COL5A1: variants seen among roughly 807,000 people sequenced by gnomAD.
COL5A1 encodes collagen alpha-1(V) chain.
In COL5A1, 16 loss-of-function variants were observed where a neutral mutation model predicts 263.7. That is an observed-to-expected ratio of 0.06 (90% confidence interval 0.04 to 0.09). The LOEUF (loss-of-function observed/expected upper bound fraction) is 0.09, where lower values mean the gene tolerates loss of function less well. Ranked by LOEUF, COL5A1 falls within the 10% of genes least tolerant of loss-of-function variation. The pLI is 1.00. For missense variants in COL5A1, 2,036 were observed against 2,540.5 expected (o/e 0.80, Z 4.27); for synonymous variants, 1,012 against 1,004.5 (o/e 1.01, Z -0.14).
chr9:134,667,693 G>T (rs1832402221), intron 1 of COL5A1, among the ~76,000 whole-genome samples: 1 of 152,198 alleles, frequency 6.6e-6, no homozygotes, highest in Admixed American at 6.5e-5. Flanking sequence ...CACCTCCCAG[G>T]AAGCCAGCCC....
chr9:134,810,248 C>G lies in COL5A1; in HGVS notation c.3475-7C>G. ...TTTCTAACCGAATCCCCCACACCTT[C>G]CCCTAGGGAGAGATCGGGGAGCCGG... On this transcript the variant is annotated splice_region_variant and splice_polypyrimidine_tract_variant and intron_variant, in intron 43 of 65. Coordinates refer to ENST00000371817, the MANE Select transcript of COL5A1 (RefSeq NM_000093.5). 1 of 1,614,114 alleles carries G rather than the reference C, an allele frequency of 6.2e-7. No homozygotes were observed. Among genetic ancestry groups the G allele is most frequent in the Non-Finnish European group, 8.5e-7 (1 of 1,179,942 alleles).
At chr9:134,715,804 T>A (rs1437657088) in intron 4 of COL5A1, among the ~76,000 whole-genome samples, 1 of 152,206 alleles carries the variant, frequency 6.6e-6, no homozygotes, top group Non-Finnish European at 1.5e-5. Context: ...TCAGAAGAAT[T>A]TTTCTTAGTA....
At chr9:134,692,407 C>T (rs937673425) in intron 2 of COL5A1, among the ~76,000 whole-genome samples, 3 of 152,176 alleles carry the variant, frequency 2.0e-5, no homozygotes, top group African/African-American at 7.2e-5. Flanking sequence ...GGGAGAGCAT[C>T]TCTTTTGGAA....
rs1833089682 is a variant in COL5A1, at chr9:134,686,650, C to T, written c.110-4262C>T. 6.6e-6 allele frequency among the ~76,000 whole-genome samples: 1 copy of T among 152,142 alleles called. No homozygotes were observed. ...GGGACCTGATGCCTGGTTATATCCT[C>T]ATGAAAATGGGCCTCTGGGATGCCA... is the stretch of plus-strand genomic sequence containing the variant. On this transcript the variant is annotated intron_variant, in intron 1 of 65. Transcript: ENST00000371817. This position sits in a 1 kb window ranked among gnomAD's most constrained non-coding sequence, Gnocchi z 4.6.
intron 18 of COL5A1, among the ~76,000 whole-genome samples, chr9:134,761,445 A>G (rs907288111): frequency 6.6e-6 from 1 of 152,182 alleles, no homozygotes; most frequent in Non-Finnish European, 1.5e-5. Context: ...CAACAACCAC[A>G]TGGAAACAGC....
chr9:134,716,697 C>A lies in COL5A1; in HGVS notation c.655-10569C>A, dbSNP rs1042825796. On this transcript the variant is annotated intron_variant, in intron 4 of 65. Coordinates refer to ENST00000371817, the MANE Select transcript of COL5A1 (RefSeq NM_000093.5). This position sits in a 1 kb window ranked among gnomAD's most constrained non-coding sequence, Gnocchi z 4.5. ...AGTTTGCTGAGCTGACCCTTCAGTCCCTGTGGCCAGCTTCAGGGTGTGCAT... is the reference window on the plus strand; with the variant it reads ...AGTTTGCTGAGCTGACCCTTCAGTCACTGTGGCCAGCTTCAGGGTGTGCAT... Among the ~76,000 whole-genome samples the A allele has an allele frequency of 5.3e-5, 8 of 152,170 alleles. No individual in the cohort carries two copies. The highest frequency in any genetic ancestry group is 1.9e-4 in the African/African-American group (8 of 41,436).
intron 29 of COL5A1, among the ~76,000 whole-genome samples, chr9:134,784,162 C>T (rs1002097305): frequency 7.9e-5 from 12 of 152,200 alleles, no homozygotes; most frequent in Admixed American, 5.2e-4. Flanking sequence ...TTTTGTTGAA[C>T]GAGAGGAACA....
intron 32 of COL5A1, among the ~76,000 whole-genome samples, chr9:134,790,569 C>T (rs192318266): frequency 4.3e-4 from 27 of 63,528 alleles, no homozygotes; most frequent in African/African-American, 2.0e-3. Context: ...CACCCACCCA[C>T]CCATCCATCC....
rs372857096 is a variant in COL5A1 at position 134,842,572 on chromosome 9, C to A, written c.*269C>A. ...GCCCCACGCTCTGTCCACACCCACG[C>A]GCCCCGGGAGCGGGGCCATGCCTCC... On this transcript the variant is annotated 3_prime_UTR_variant, in exon 66 of 66. Coordinates refer to ENST00000371817, the MANE Select transcript of COL5A1 (RefSeq NM_000093.5). The surrounding 1 kb of genome is among the most constrained non-coding windows in gnomAD (Gnocchi z 5.8). The A allele has an allele frequency of 5.3e-6, 3 of 561,576 alleles. No individual in the cohort carries two copies. The highest frequency in any genetic ancestry group is 9.6e-6 in the Non-Finnish European group (3 of 312,358). The allele number at this position is 561,576 out of a possible 1,614,324, so 34.8% of individuals were successfully genotyped here. A position where few individuals can be genotyped will look rare whatever the true frequency, so the allele number is the denominator to read the frequency against.
rs1838973196 is a variant in COL5A1 at position 134,821,002 on chromosome 9, C to T, written c.4554+779C>T. On this transcript the variant is annotated intron_variant, in intron 58 of 65. Coordinates refer to ENST00000371817, the MANE Select transcript of COL5A1 (RefSeq NM_000093.5). This position sits in a 1 kb window ranked among gnomAD's most constrained non-coding sequence, Gnocchi z 4.2. ...CCCCTGGAGGCTGGGAGTAAGGTGG[C>T]ACCCTCACTATGGGCCCGGGGAAGG... Among the ~76,000 whole-genome samples, 1 of 152,134 alleles carries T rather than the reference C, an allele frequency of 6.6e-6. No individual in the cohort carries two copies. The highest frequency in any genetic ancestry group is 2.4e-5 in the African/African-American group (1 of 41,426).
rs372499629 is a variant in COL5A1 at position 134,811,501 on chromosome 9, G to A, written c.3592G>A (p.Gly1198Ser). Residue 1198 changes from glycine (G) to serine (S), a missense_variant, in exon 46 of 66, where the codon GGC becomes AGC. By Grantham distance (56) the Gly-to-Ser change is moderately conservative. Around this residue, in one of 3 missense-constraint regions of COL5A1, gnomAD observed 1,078 missense variants for 1,521.4 expected, o/e 0.71. Coordinates refer to ENST00000371817, the MANE Select transcript of COL5A1 (RefSeq NM_000093.5). ...IGQPGPSGADGEPGPRGQQGL... is the reference protein window; with the variant it reads ...IGQPGPSGADSEPGPRGQQGL... The stretch of plus-strand genomic sequence containing the variant: ...GGTTATTTCCCTGCAGGGAGCTGAC[G>A]GCGAGCCGGGGCCTCGGGGCCAGCA... The A allele has an allele frequency of 7.9e-5, 128 of 1,612,572 alleles. No individual in the cohort carries two copies. Among genetic ancestry groups the A allele is most frequent in the Non-Finnish European group, 9.8e-5 (116 of 1,179,306 alleles).
chr9:134,654,436 GAGGTGTGTAGGGCT>G (rs1831840657), intron 1 of COL5A1, among the ~76,000 whole-genome samples: 1 of 115,630 alleles, frequency 8.6e-6, no homozygotes, highest in African/African-American at 3.3e-5. Flanking sequence ...TGTAGGGCTG[GAGGTGTGTAGGGCT>G]GGTGTGTGTA....
intron 49 of COL5A1, 98 bp from the exon 50 acceptor site, chr9:134,814,699 G>T: frequency 1.1e-6 from 1 of 910,248 alleles, no homozygotes. Context: ...ACTTGGAAAG[G>T]CTGGTCTGAA....
Position 134,796,900 on chromosome 9 carries a change from C to T in COL5A1, c.2897C>T (p.Pro966Leu). 6.2e-7 allele frequency: 1 copy of T among 1,613,866 alleles called. No homozygotes were observed. Among genetic ancestry groups the T allele is most frequent in the South Asian group, 1.1e-5 (1 of 91,070 alleles). The change falls in exon 36 of 66, where the codon CCT (proline) becomes CTT (leucine). Residue 966 changes from proline (P) to leucine (L), a missense_variant and splice_region_variant. Physicochemically the swap from Pro to Leu is moderately conservative, Grantham distance 98. Coordinates refer to ENST00000371817, the MANE Select transcript of COL5A1 (RefSeq NM_000093.5). ...PTGFPGPKGP[P>L]GPPGKDGLPG... ...GGATTTCCTGGACCAAAGGGCCCCC[C>T]TGTAAGTAATGGCTTCCTTGCTGGG...
In COL5A1 at chr9:134,678,998, C is replaced by T. The variant is rs953012151; in HGVS notation, c.110-11914C>T. Among the ~76,000 whole-genome samples the T allele has an allele frequency of 1.3e-5, 2 of 152,180 alleles. No homozygotes were observed. The highest frequency in any genetic ancestry group is 4.8e-5 in the African/African-American group (2 of 41,436). ...CTGTGTTGGGGTCACGTGGTATCTG[C>T]CCTCTGTTATCCGAGATGCCTTTCA... On this transcript the variant is annotated intron_variant, in intron 1 of 65. Coordinates refer to ENST00000371817, the MANE Select transcript of COL5A1 (RefSeq NM_000093.5). The surrounding 1 kb of genome is among the most constrained non-coding windows in gnomAD (Gnocchi z 5.5).
Position 134,805,154 on chromosome 9 carries a change from T to G in COL5A1, c.3205-7T>G. ...TGCCCTTGACCAACCTTTTCATGGCTTTGCAGGGAGCTCTTGGACTGAAAG... is the reference window on the plus strand; with the variant it reads ...TGCCCTTGACCAACCTTTTCATGGCGTTGCAGGGAGCTCTTGGACTGAAAG... On this transcript the variant is annotated splice_polypyrimidine_tract_variant and splice_region_variant and intron_variant, in intron 40 of 65. Transcript: ENST00000371817. 3 of 1,613,954 alleles carry G rather than the reference T, an allele frequency of 1.9e-6. No homozygotes were observed. The highest frequency in any genetic ancestry group is 2.5e-6 in the Non-Finnish European group (3 of 1,179,978).
In COL5A1 at chr9:134,786,125, C is replaced by A. The variant is rs755041841; in HGVS notation, c.2646+77C>A. On this transcript the variant is annotated intron_variant, in intron 31 of 65. Transcript: ENST00000371817. ...CCGGTCTCCCCACCCTGCATCCGGC[C>A]GTGTTAGGTGTCCCGGCACAGGTGG... 19 of 1,337,000 alleles carry A rather than the reference C, an allele frequency of 1.4e-5. No individual in the cohort carries two copies. The South Asian group carries it at 2.0e-4, about 14-fold the overall frequency. The allele number at this position is 1,337,000 out of a possible 1,614,324, so 82.8% of individuals were successfully genotyped here.
chr9:134,709,391 G>T (rs1457752341), intron 4 of COL5A1, among the ~76,000 whole-genome samples: 1 of 152,244 alleles, frequency 6.6e-6, no homozygotes, highest in Non-Finnish European at 1.5e-5. Context: ...CAGCTGCCTG[G>T]CTGGCTGGAG....
chr9:134,734,720 G>A (rs1448575184), intron 9 of COL5A1, among the ~76,000 whole-genome samples: 3 of 152,242 alleles, frequency 2.0e-5, no homozygotes, highest in African/African-American at 7.2e-5. Flanking sequence ...TTATCCTTGT[G>A]CTTCCAGGCA....
Sources: allele counts gnomAD v4.1 joint callset (sites outside exome capture counted in the v4.1 genomes callset), GRCh38; gene constraint gnomAD v4.1.1; regional missense constraint gnomAD v4.1.1; non-coding constraint Gnocchi (gnomAD v3.1); transcripts MANE v1.5; gene names NCBI Gene and HGNC (gene_info 2026-07-23, HGNC 2026-07-21).